Variants in NID1 observed in about 807,000 individuals in gnomAD.
NID1 encodes nidogen-1.
Under a neutral mutation model 130.6 loss-of-function variants are expected in NID1, and 76 were observed. That is an observed-to-expected ratio of 0.58 (90% CI 0.48 to 0.70). The LOEUF is 0.70. Among genes scored for constraint, NID1 ranks in the 30% least tolerant of loss-of-function variants. The pLI is 0.00. For synonymous variants in NID1, 665 were observed against 675.1 expected (o/e 0.98, Z 0.23); for missense variants, 1,517 against 1,664.8 (o/e 0.91, Z 1.54).
chr1:236,055,109 C>G (rs1250562463), intron 1 of NID1, among the ~76,000 whole-genome samples: 1 of 151,960 alleles, frequency 6.6e-6, no homozygotes, highest in African/African-American at 2.4e-5. Flanking sequence ...TCGAGACCAT[C>G]CTGGGTAACA....
At chr1:235,982,978 G>T (rs1253364762) in intron 15 of NID1, among the ~76,000 whole-genome samples, 1 of 152,162 alleles carries the variant, frequency 6.6e-6, no homozygotes, top group African/African-American at 2.4e-5. Context: ...GAGTTCAAAT[G>T]ATTCTTTTGC....
intron 12 of NID1, among the ~76,000 whole-genome samples, chr1:236,001,458 C>T (rs1658075141): frequency 6.6e-6 from 1 of 152,156 alleles, no homozygotes. Context: ...GCCAAATAGA[C>T]ACTTGTTAGT....
chr1:236,053,929 A>G (rs1423328668), intron 1 of NID1, among the ~76,000 whole-genome samples: 3 of 152,218 alleles, frequency 2.0e-5, no homozygotes, highest in Non-Finnish European at 4.4e-5. Context: ...GCCAATTACT[A>G]AAATAAAATA....
chr1:236,020,578 G>A lies in NID1; in HGVS notation c.2129-3305C>T, dbSNP rs74516934. 3.4e-3 allele frequency among the ~76,000 whole-genome samples: 512 copies of A among 152,238 alleles called. 4 individuals are homozygous for A. Among genetic ancestry groups the A allele is most frequent in the African/African-American group, 0.012 (495 of 41,536 alleles). ...TTACTGTGGAGAGTCACTGTGCGACGTCTCACCAAAACCACCCTTGTTTGG... is the reference window on the plus strand; with the variant it reads ...TTACTGTGGAGAGTCACTGTGCGACATCTCACCAAAACCACCCTTGTTTGG... On this transcript the variant is annotated intron_variant, in intron 9 of 19. Coordinates refer to ENST00000264187, the MANE Select transcript of NID1 (RefSeq NM_002508.3).
chr1:236,048,311 G>A (rs577673105), intron 2 of NID1, among the ~76,000 whole-genome samples: 1 of 151,908 alleles, frequency 6.6e-6, no homozygotes, highest in South Asian at 2.1e-4. Flanking sequence ...CTCCAGCCTG[G>A]GCGACAGAGC....
intron 12 of NID1, among the ~76,000 whole-genome samples, chr1:236,000,706 C>T (rs564856484): frequency 6.5e-4 from 99 of 152,308 alleles, no homozygotes; most frequent in African/African-American, 2.2e-3. Flanking sequence ...TTTTGGTTTA[C>T]AAGAAGGAGA....
At chr1:235,993,941 C>T in intron 12 of NID1, 69 bp from the exon 13 acceptor site, 2 of 1,454,446 alleles carry the variant, frequency 1.4e-6, no homozygotes, top group Non-Finnish European at 1.9e-6. Flanking sequence ...GGCGGGGCTG[C>T]AGGAGTCCCC....
At chr1:236,002,594 G>A (rs1658109645) in intron 12 of NID1, among the ~76,000 whole-genome samples, 2 of 152,204 alleles carry the variant, frequency 1.3e-5, no homozygotes, top group African/African-American at 2.4e-5. Flanking sequence ...TAGGCGCAGT[G>A]GCTGAACGGA....
intron 6 of NID1, among the ~76,000 whole-genome samples, chr1:236,030,249 C>A (rs995307660): frequency 2.0e-5 from 3 of 152,114 alleles, no homozygotes; most frequent in Non-Finnish European, 4.4e-5. Flanking sequence ...CAGAAACCAT[C>A]CTAGGATCAC....
At chr1:236,005,948 A>G (rs1339300581) in intron 12 of NID1, among the ~76,000 whole-genome samples, 2 of 152,240 alleles carry the variant, frequency 1.3e-5, no homozygotes, top group Non-Finnish European at 2.9e-5. Context: ...TTATGAAAAT[A>G]TAGTTATGTC....
Position 235,990,987 on chromosome 1 carries a change from C to T in NID1, c.2827G>A (p.Gly943Arg), listed in dbSNP as rs1414306388. 23 of 1,613,902 alleles carry T rather than the reference C, an allele frequency of 1.4e-5. No homozygotes were observed. The highest frequency in any genetic ancestry group is 1.6e-4 in the Middle Eastern group (1 of 6,062). Residue 943 changes from glycine to arginine, a missense_variant, in exon 14 of 20, where the codon GGG (glycine) becomes AGG (arginine). Around this residue, in one of 3 missense-constraint regions of NID1, gnomAD observed 1,329 missense variants for 1,429.2 expected, o/e 0.93. Transcript: ENST00000264187. The stretch of plus-strand genomic sequence containing the variant: ...GTCTGGGCAAAGAGTAAATGGGTCC[C>T]AGGAGGCAAGGGGATCACGGCGGTA... ...VPTAVIPLPPGTHLLFAQTGK... is the reference protein window; with the variant it reads ...VPTAVIPLPPRTHLLFAQTGK...
At chr1:236,024,889 C>T (rs1012218992) in intron 8 of NID1, among the ~76,000 whole-genome samples, 1 of 152,112 alleles carries the variant, frequency 6.6e-6, no homozygotes, top group African/African-American at 2.4e-5. Context: ...ACAGGGCAAG[C>T]GTTTCTTTTA....
chr1:236,029,432 G>A (rs993587767), intron 7 of NID1, 118 bp downstream of exon 7: 8 of 926,170 alleles, frequency 8.6e-6, no homozygotes, highest in East Asian at 2.7e-5. Flanking sequence ...TGTAAGGCCC[G>A]GTGTATTTCC....
chr1:236,003,060 A>ATCACTCCTAGTGAACAAGTGGTAGTTG (rs1558428549), intron 12 of NID1, among the ~76,000 whole-genome samples: 3 of 134,626 alleles, frequency 2.2e-5, no homozygotes, highest in African/African-American at 9.1e-5. Flanking sequence ...ATCACTGGTT[A>ATCACTCCTAGTGAACAAGTGGTAGTTG]TCACTCCTAG....
intron 17 of NID1, 69 bp from the exon 18 acceptor site, chr1:235,980,014 GAGT>G: frequency 2.0e-6 from 3 of 1,535,942 alleles, no homozygotes; most frequent in South Asian, 1.1e-5. Context: ...AAAAAAACAA[GAGT>G]AATGAGGGCA....
intron 12 of NID1, among the ~76,000 whole-genome samples, chr1:236,009,580 T>A (rs1161583086): frequency 6.6e-6 from 1 of 152,242 alleles, no homozygotes; most frequent in African/African-American, 2.4e-5. Flanking sequence ...CACATGTAGG[T>A]ATATTTTCAC....
At position 235,993,652 on chromosome 1, in the gene NID1, C is replaced by T. The variant is rs1367935692; in HGVS notation, c.2748G>A (p.Thr916=). The T allele has an allele frequency of 1.3e-6, 2 of 1,547,582 alleles. No homozygotes were observed. The highest frequency in any genetic ancestry group is 1.2e-5 in the South Asian group (1 of 84,616). Reference sequence around the variant, plus strand: ...CGGCCTGCACCCACTTACACGGGGGCGTCATCCCGGGCCTGGTCCTGGTGC... The same window carrying T: ...CGGCCTGCACCCACTTACACGGGGGTGTCATCCCGGGCCTGGTCCTGGTGC... ...VEGTRTRPGM[T]PPCLSTVAPP... The change falls in exon 13 of 20, where the codon ACG becomes ACA. Residue 916 remains threonine, a synonymous_variant. Transcript: ENST00000264187.
intron 9 of NID1, 30 bp from the exon 10 acceptor site, chr1:236,017,303 C>CA: frequency 6.2e-7 from 1 of 1,607,522 alleles, no homozygotes; most frequent in Non-Finnish European, 8.5e-7. Context: ...TTACTGCAGG[C>CA]TTTTTTTTAA....
chr1:236,059,046 C>T (rs180877867), intron 1 of NID1, among the ~76,000 whole-genome samples: 9 of 152,308 alleles, frequency 5.9e-5, no homozygotes, highest in African/African-American at 1.9e-4. Context: ...ACAACCATCC[C>T]TCTTTTCGCA....
Sources: allele counts gnomAD v4.1 joint callset (sites outside exome capture counted in the v4.1 genomes callset), GRCh38; gene constraint gnomAD v4.1.1; regional missense constraint gnomAD v4.1.1; transcripts MANE v1.5; gene names NCBI Gene and HGNC (gene_info 2026-07-23, HGNC 2026-07-21).